The following TSC22D2 variants were observed in gnomAD, a reference collection of about 807,000 sequenced individuals.
TSC22D2 encodes TSC22 domain family protein 2.
A neutral mutation model predicts 50.1 loss-of-function variants in TSC22D2; 5 were observed. The observed-to-expected ratio is 0.10, with a 90% CI of 0.05 to 0.21. The LOEUF is 0.21. Among genes scored for constraint, TSC22D2 ranks in the 10% least tolerant of loss-of-function variants. The pLI is 1.00. For missense variants in TSC22D2, 1,003 were observed against 1,015.5 expected (o/e 0.99, Z 0.17); for synonymous variants, 501 against 450.1 (o/e 1.11, Z -1.43).
At position 150,464,361 on chromosome 3, in the gene TSC22D2, G is replaced by A. The variant is rs140391320; in HGVS notation, c.*5725G>A. On this transcript the variant is annotated 3_prime_UTR_variant, in exon 3 of 3. Transcript: ENST00000688009. ...GTCAGTGGCTAATAAAAAGAAACATGTATGACTTTGTAAAACCCTAAAAGT... is the reference window on the plus strand; with the variant it reads ...GTCAGTGGCTAATAAAAAGAAACATATATGACTTTGTAAAACCCTAAAAGT... 248 of 152,092 alleles carry A rather than the reference G, an allele frequency of 1.6e-3. No homozygotes were observed. Among genetic ancestry groups the A allele is most frequent in the African/African-American group, 5.7e-3 (236 of 41,504 alleles). 9.4% of individuals were successfully genotyped at this position (152,092 alleles called of 1,614,324 possible).
chr3:150,458,007 C>T (rs1272197125), intron 2 of TSC22D2, among the ~76,000 whole-genome samples: 1 of 152,108 alleles, frequency 6.6e-6, no homozygotes, highest in Non-Finnish European at 1.5e-5. Context: ...TAAAGCAGTA[C>T]TATGACTAGT....
At position 150,409,986 on chromosome 3, in the gene TSC22D2, G is replaced by A. The variant is rs1576537721; in HGVS notation, c.636G>A (p.Ala212=). The A allele has an allele frequency of 6.2e-7, 1 of 1,613,828 alleles. No homozygotes were observed. The highest frequency in any genetic ancestry group is 1.7e-5 in the Admixed American group (1 of 60,034). ...ACAGCAGTACTTTTGACCAGACTGC[G>A]GAGCGGGACAGCGGCCTGGGCGCCA... ...IRHSSTFDQT[A]ERDSGLGATG... is the part of the protein sequence containing the mutation. The change falls in exon 1 of 3, where the codon GCG becomes GCA. Residue 212 remains alanine, a synonymous_variant. Transcript: ENST00000688009. This position sits in a 1 kb window ranked among gnomAD's most constrained non-coding sequence, Gnocchi z 7.4.
At chr3:150,431,182 G>A (rs1435404146) in intron 1 of TSC22D2, among the ~76,000 whole-genome samples, 6 of 120,056 alleles carry the variant, frequency 5.0e-5, no homozygotes, top group South Asian at 2.7e-4. Flanking sequence ...CCGAGATCGC[G>A]CCACTGCACT....
intron 1 of TSC22D2, among the ~76,000 whole-genome samples, chr3:150,450,711 C>T (rs1298248786): frequency 6.6e-6 from 1 of 152,040 alleles, no homozygotes; most frequent in Non-Finnish European, 1.5e-5. Context: ...TCTCCTCTTA[C>T]AGAAGAGTGG....
chr3:150,425,357 T>C (rs1720146104), intron 1 of TSC22D2, among the ~76,000 whole-genome samples: 1 of 152,082 alleles, frequency 6.6e-6, no homozygotes, highest in Admixed American at 6.6e-5. Flanking sequence ...AAACCCCATC[T>C]CTACTAAAAA....
intron 1 of TSC22D2, among the ~76,000 whole-genome samples, chr3:150,430,554 AAGT>A (rs1332501099): frequency 6.6e-5 from 10 of 152,216 alleles, no homozygotes; most frequent in African/African-American, 2.4e-4. Context: ...GGGAAGGAGA[AAGT>A]AGTGATGAGG....
At chr3:150,448,365 C>T (rs1720944733) in intron 1 of TSC22D2, among the ~76,000 whole-genome samples, 1 of 151,974 alleles carries the variant, frequency 6.6e-6, no homozygotes, top group Non-Finnish European at 1.5e-5. Flanking sequence ...GTAGTTCCAG[C>T]TGCTTGGGTG....
At chr3:150,418,130 T>C (rs1490057879) in intron 1 of TSC22D2, among the ~76,000 whole-genome samples, 1 of 152,062 alleles carries the variant, frequency 6.6e-6, no homozygotes, top group Non-Finnish European at 1.5e-5. Context: ...TAAATACTCA[T>C]TAAGTAGGTT....
intron 1 of TSC22D2, among the ~76,000 whole-genome samples, chr3:150,436,558 G>C (rs976568734): frequency 2.6e-5 from 4 of 152,072 alleles, no homozygotes; most frequent in African/African-American, 9.7e-5. Context: ...ACAGTATTTT[G>C]GTTGATAGGA....
At chr3:150,419,673 A>G (rs149891209) in intron 1 of TSC22D2, among the ~76,000 whole-genome samples, 50 of 152,244 alleles carry the variant, frequency 3.3e-4, no homozygotes, top group African/African-American at 1.2e-3. Flanking sequence ...AGTGTCTTGC[A>G]AAAACAGGTA....
At chr3:150,437,081 G>T (rs1720568057) in intron 1 of TSC22D2, among the ~76,000 whole-genome samples, 1 of 151,964 alleles carries the variant, frequency 6.6e-6, no homozygotes, top group Admixed American at 6.6e-5. Flanking sequence ...CAAATCTATG[G>T]GTTTCCTTTC....
chr3:150,419,919 A>G (rs1719950255), intron 1 of TSC22D2, among the ~76,000 whole-genome samples: 1 of 152,208 alleles, frequency 6.6e-6, no homozygotes, highest in South Asian at 2.1e-4. Context: ...TTAGAATGGT[A>G]GTTTATATTA....
chr3:150,411,761 C>A (rs1719580773), intron 1 of TSC22D2, among the ~76,000 whole-genome samples: 1 of 151,162 alleles, frequency 6.6e-6, no homozygotes, highest in Non-Finnish European at 1.5e-5. Context: ...AAAAAAAAAT[C>A]TATGTAAGGA....
chr3:150,443,332 A>T (rs151243639), intron 1 of TSC22D2, among the ~76,000 whole-genome samples: 2 of 152,358 alleles, frequency 1.3e-5, no homozygotes, highest in Non-Finnish European at 2.9e-5. Context: ...AACTGGGTAC[A>T]TCCTCTAGAT....
At chr3:150,442,743 T>G (rs1720758702) in intron 1 of TSC22D2, among the ~76,000 whole-genome samples, 1 of 152,164 alleles carries the variant, frequency 6.6e-6, no homozygotes, top group Non-Finnish European at 1.5e-5. Context: ...GCAGGAGGAT[T>G]GCTTCAGGCC....
At position 150,411,092 on chromosome 3, in the gene TSC22D2, A is replaced by G. The variant is rs781413521; in HGVS notation, c.1742A>G (p.Gln581Arg). Residue 581 changes from glutamine (Q) to arginine (R), a missense_variant, in exon 1 of 3, where the codon CAA becomes CGA. By Grantham distance (43) the Gln-to-Arg change is conservative. Transcript: ENST00000688009. ...CCACAGTCTGACCTAAGCCAGTTTC[A>G]AACTCAGACCCAGCCTTTAGTCGGG... Reference protein sequence around the residue: ...SLPQSDLSQFQTQTQPLVGQV... With the variant: ...SLPQSDLSQFRTQTQPLVGQV... The G allele has an allele frequency of 6.2e-7, 1 of 1,614,202 alleles. No homozygotes were observed. Among genetic ancestry groups the G allele is most frequent in the East Asian group, 2.2e-5 (1 of 44,882 alleles).
In TSC22D2 at chr3:150,457,437, T is replaced by C. The variant is rs151180945; in HGVS notation, c.2010+310T>C. Among the ~76,000 whole-genome samples the C allele has an allele frequency of 1.4e-3, 215 of 152,246 alleles. 1 individual carries two copies. The highest frequency in any genetic ancestry group is 0.01 in the Middle Eastern group (3 of 294). On this transcript the variant is annotated intron_variant, in intron 2 of 2. Coordinates refer to ENST00000688009, the MANE Select transcript of TSC22D2 (RefSeq NM_001303264.2). Reference sequence around the variant, plus strand: ...CCAGATATTTCAGCATTGAAAATACTTTAGAGTGAAAAAGAGTATTAAAGC... The same window carrying C: ...CCAGATATTTCAGCATTGAAAATACCTTAGAGTGAAAAAGAGTATTAAAGC...
rs181291298 is a variant in TSC22D2, at chr3:150,408,958, T to C, written c.-393T>C. The C allele has an allele frequency of 3.1e-3, 528 of 169,602 alleles. 1 individual carries two copies. The highest frequency in any genetic ancestry group is 0.014 in the Middle Eastern group (5 of 346). The allele number at this position is 169,602 out of a possible 1,614,324, so 10.5% of individuals were successfully genotyped here. A position where few individuals can be genotyped will look rare whatever the true frequency, so the allele number is the denominator to read the frequency against. ...CCCACTCCCACCCCCAGCCAAGGCC[T>C]GCTGACCGCGCCGAGCGCCGAGCTG... On this transcript the variant is annotated 5_prime_UTR_variant, in exon 1 of 3. Coordinates refer to ENST00000688009, the MANE Select transcript of TSC22D2 (RefSeq NM_001303264.2).
intron 1 of TSC22D2, chr3:150,438,233 T>G (rs1329580089): frequency 9.3e-6 from 4 of 429,774 alleles, no homozygotes; most frequent in Admixed American, 2.4e-5. Flanking sequence ...AGGAGGAATG[T>G]GACATAATAA....
Sources: gnomAD v4.1 joint callset for allele counts (sites outside exome capture counted in the v4.1 genomes callset) on GRCh38, gnomAD v4.1.1 for gene constraint, Gnocchi (gnomAD v3.1) non-coding constraint, MANE v1.5 for transcripts, NCBI Gene and HGNC (gene_info 2026-07-23, HGNC 2026-07-21) for gene names.